SHCBP1L: variants seen among roughly 807,000 people sequenced by gnomAD.
SHCBP1L encodes testicular spindle-associated protein SHCBP1L.
In SHCBP1L, 67 loss-of-function variants were observed where a neutral mutation model predicts 62.5. That is an observed-to-expected ratio of 1.07 (90% confidence interval 0.88 to 1.31). The LOEUF (loss-of-function observed/expected upper bound fraction) is 1.31. SHCBP1L is among the 40% of genes most tolerant of loss of function. The pLI is 0.00. For missense variants in SHCBP1L, 823 were observed against 809.8 expected (o/e 1.02, Z -0.20); for synonymous variants, 284 against 289.4 (o/e 0.98, Z 0.19).
At chr1:182,942,750 TA>T (rs922252401) in intron 2 of SHCBP1L, among the ~76,000 whole-genome samples, 9 of 152,188 alleles carry the variant, frequency 5.9e-5, no homozygotes, top group Non-Finnish European at 1.3e-4. Context: ...AAATCTGTTC[TA>T]AAAATTTTCA....
intron 5 of SHCBP1L, among the ~76,000 whole-genome samples, chr1:182,931,157 G>A (rs1042036319): frequency 2.6e-5 from 4 of 151,814 alleles, no homozygotes; most frequent in Middle Eastern, 3.4e-3. Context: ...CAAAAGTTTC[G>A]TTAAACATTT....
At position 182,953,032 on chromosome 1, in the gene SHCBP1L, C is replaced by T. The variant is rs545805544; in HGVS notation, c.102G>A (p.Thr34=). ...EKSASAVSGD[T]AAATTLKGTA... Reference sequence around the variant, plus strand: ...TGCCCTTCAGGGTGGTCGCGGCCGCCGTGTCCCCGGAGACAGCGGAGGCGG... The same window carrying T: ...TGCCCTTCAGGGTGGTCGCGGCCGCTGTGTCCCCGGAGACAGCGGAGGCGG... Residue 34 remains threonine, a synonymous_variant, in exon 1 of 10, where the codon ACG becomes ACA. Coordinates refer to ENST00000367547, the MANE Select transcript of SHCBP1L (RefSeq NM_030933.4). 1.8e-5 allele frequency: 28 copies of T among 1,543,838 alleles called. No homozygotes were observed. In the South Asian group the frequency reaches 3.3e-4, roughly 18 times the overall value.
chr1:182,927,948 AAGG>A (rs922159411), intron 6 of SHCBP1L, among the ~76,000 whole-genome samples: 3 of 152,208 alleles, frequency 2.0e-5, no homozygotes, highest in Non-Finnish European at 2.9e-5. Flanking sequence ...TAAAAGTGAA[AAGG>A]AGAAGTAAAA....
At chr1:182,907,721 G>GGT in intron 6 of SHCBP1L, among the ~76,000 whole-genome samples, 2 of 152,110 alleles carry the variant, frequency 1.3e-5, no homozygotes, top group East Asian at 3.9e-4. Flanking sequence ...TGGGACTATA[G>GGT]GTGTGTGCCA....
At chr1:182,917,218 T>C (rs949665808) in intron 6 of SHCBP1L, among the ~76,000 whole-genome samples, 10 of 152,110 alleles carry the variant, frequency 6.6e-5, no homozygotes, top group African/African-American at 2.4e-4. Context: ...AAATCCTCAA[T>C]AAATCCTAGC....
chr1:182,936,747 A>G (rs1197857984), intron 5 of SHCBP1L, among the ~76,000 whole-genome samples: 2 of 152,108 alleles, frequency 1.3e-5, no homozygotes, highest in Non-Finnish European at 2.9e-5. Context: ...TTTTAGATCA[A>G]TCAACAATAA....
chr1:182,921,867 G>A (rs961139913), intron 6 of SHCBP1L, among the ~76,000 whole-genome samples: 21 of 152,028 alleles, frequency 1.4e-4, no homozygotes, highest in African/African-American at 4.8e-4. Context: ...CAGCCTAGGC[G>A]ACAGAGCAAG....
At chr1:182,937,196 C>T (rs990568630) in intron 5 of SHCBP1L, among the ~76,000 whole-genome samples, 1 of 151,728 alleles carries the variant, frequency 6.6e-6, no homozygotes, top group Non-Finnish European at 1.5e-5. Context: ...TTCCTTTAAC[C>T]TTTCTTGCAG....
At chr1:182,925,581 G>A (rs1215559994) in intron 6 of SHCBP1L, among the ~76,000 whole-genome samples, 1 of 152,136 alleles carries the variant, frequency 6.6e-6, no homozygotes, top group African/African-American at 2.4e-5. Flanking sequence ...GTTTTGGTGA[G>A]GACTGGAGAA....
At chr1:182,927,030 G>A (rs1224124202) in intron 6 of SHCBP1L, among the ~76,000 whole-genome samples, 2 of 126,416 alleles carry the variant, frequency 1.6e-5, no homozygotes, top group Admixed American at 8.3e-5. Context: ...TGTCTTTAGA[G>A]CCCATGCTCT....
chr1:182,934,960 T>A (rs1443803446), intron 5 of SHCBP1L, among the ~76,000 whole-genome samples: 1 of 152,146 alleles, frequency 6.6e-6, no homozygotes, highest in Admixed American at 6.5e-5. Flanking sequence ...CAAGTCAGTC[T>A]ACTCTATGTG....
Position 182,900,183 on chromosome 1 carries a change from T to C in SHCBP1L, c.1762A>G (p.Lys588Glu). 1 of 1,607,794 alleles carries C rather than the reference T, an allele frequency of 6.2e-7. No homozygotes were observed. Among genetic ancestry groups the C allele is most frequent in the African/African-American group, 1.3e-5 (1 of 74,852 alleles). Reference sequence around the variant, plus strand: ...TGAAGAATGCTTACTCCATAGCCTTTGTTGCTATAAATATGATTATTAGTC... The same window carrying C: ...TGAAGAATGCTTACTCCATAGCCTTCGTTGCTATAAATATGATTATTAGTC... ...KMTNNHIYSNKGYGVSILQPM... is the reference protein window; with the variant it reads ...KMTNNHIYSNEGYGVSILQPM... Residue 588 changes from lysine (K) to glutamate (E), a missense_variant, in exon 10 of 10, where the codon AAA becomes GAA. Lys to Glu is a moderately conservative substitution (Grantham distance 56). Coordinates refer to ENST00000367547, the MANE Select transcript of SHCBP1L (RefSeq NM_030933.4).
At chr1:182,913,847 G>A (rs1650268660) in intron 6 of SHCBP1L, among the ~76,000 whole-genome samples, 1 of 152,160 alleles carries the variant, frequency 6.6e-6, no homozygotes, top group South Asian at 2.1e-4. Flanking sequence ...CAGATGTGGT[G>A]CCACATGCCT....
intron 5 of SHCBP1L, among the ~76,000 whole-genome samples, chr1:182,936,070 G>C (rs755688207): frequency 1.4e-5 from 2 of 141,648 alleles, no homozygotes; most frequent in African/African-American, 5.2e-5. Flanking sequence ...CTTGTCCTTT[G>C]TTTCCTTTTT....
Position 182,953,125 on chromosome 1 carries a change from C to A in SHCBP1L, c.9G>T (p.Ser3=). The stretch of plus-strand genomic sequence containing the variant: ...CCGCGGGCACCGAGGCCTTGGAGCC[C>A]GACGCCATCTCCTCAGCAGCCCGAG... The part of the protein sequence containing the change: MA[S]GSKASVPADS... Residue 3 remains serine (S), a synonymous_variant, in exon 1 of 10, where the codon TCG becomes TCT. Transcript: ENST00000367547. 1.3e-6 allele frequency: 2 copies of A among 1,580,110 alleles called. No individual in the cohort carries two copies. The highest frequency in any genetic ancestry group is 2.3e-5 in the South Asian group (2 of 88,044).
chr1:182,914,308 T>C (rs1650285280), intron 6 of SHCBP1L, among the ~76,000 whole-genome samples: 1 of 152,110 alleles, frequency 6.6e-6, no homozygotes, highest in South Asian at 2.1e-4. Flanking sequence ...CAAAGCCATA[T>C]AAAGAAATAA....
At position 182,922,521 on chromosome 1, in the gene SHCBP1L, T is replaced by G. The variant is rs1650557450; in HGVS notation, c.1182+7126A>C. 8.0e-5 allele frequency among the ~76,000 whole-genome samples: 12 copies of G among 149,418 alleles called. No homozygotes were observed. The Admixed American group carries it at 8.0e-4, about 10-fold the overall frequency. On this transcript the variant is annotated intron_variant, in intron 6 of 9. Coordinates refer to ENST00000367547, the MANE Select transcript of SHCBP1L (RefSeq NM_030933.4). ...GTGAGCCAAGATCATGCCACTGCAC[T>G]CCAGCCTGGGTGACAGAGCGAGACT...
chr1:182,932,262 G>T (rs1651030392), intron 5 of SHCBP1L, among the ~76,000 whole-genome samples: 1 of 152,006 alleles, frequency 6.6e-6, no homozygotes, highest in Admixed American at 6.6e-5. Flanking sequence ...AAACAACCAT[G>T]TGCAGGTTTT....
At chr1:182,903,990 C>G (rs1159530442) in intron 8 of SHCBP1L, among the ~76,000 whole-genome samples, 190 bp downstream of exon 8, 2 of 152,110 alleles carry the variant, frequency 1.3e-5, no homozygotes, top group Non-Finnish European at 2.9e-5. Flanking sequence ...TACTTTGGAC[C>G]TAGCATTTCA....
Sources: gnomAD v4.1 joint callset for allele counts (sites outside exome capture counted in the v4.1 genomes callset) on GRCh38, gnomAD v4.1.1 for gene constraint, MANE v1.5 for transcripts, NCBI Gene and HGNC (gene_info 2026-07-23, HGNC 2026-07-21) for gene names.